The following FBXL20 variants were observed in gnomAD, a reference collection of about 807,000 sequenced individuals.
FBXL20 encodes F-box/LRR-repeat protein 20.
FBXL20 carries 11 observed loss-of-function variants against 64.0 expected under a neutral mutation model. The observed-to-expected ratio is 0.17, with a 90% CI of 0.11 to 0.28. The LOEUF is 0.28. Ranked by LOEUF, FBXL20 falls within the 10% of genes least tolerant of loss-of-function variation. The pLI, the probability that FBXL20 is intolerant of heterozygous loss-of-function variation, is 1.00. For missense variants in FBXL20, 303 were observed against 526.2 expected (o/e 0.58, Z 4.15); for synonymous variants, 184 against 189.0 (o/e 0.97, Z 0.22).
intron 9 of FBXL20, among the ~76,000 whole-genome samples, chr17:39,279,499 CAAA>C (rs751006109): frequency 4.0e-5 from 4 of 100,180 alleles, no homozygotes; most frequent in Non-Finnish European, 2.1e-5. Context: ...GACTTCACCT[CAAA>C]AAAAAAAAAA....
In FBXL20 at chr17:39,252,993, G is replaced by A. The variant is rs2046664295; in HGVS notation, c.*8467C>T. On this transcript the variant is annotated 3_prime_UTR_variant, in exon 15 of 15. Coordinates refer to ENST00000264658, the MANE Select transcript of FBXL20 (RefSeq NM_032875.3). ...GCTAAGCATTTGGAGCAGGCCTAGT[G>A]GAGAAACAAGCAAGCAGCAGCTCTC... The A allele has an allele frequency of 6.6e-6, 1 of 152,318 alleles. No homozygotes were observed. The highest frequency in any genetic ancestry group is 2.4e-5 in the African/African-American group (1 of 41,434). The allele number at this position is 152,318 out of a possible 1,614,324, so 9.4% of individuals were successfully genotyped here.
intron 3 of FBXL20, among the ~76,000 whole-genome samples, chr17:39,301,401 G>A (rs1335430632): frequency 1.3e-5 from 2 of 152,020 alleles, no homozygotes; most frequent in Non-Finnish European, 2.9e-5. Context: ...GACCAGCCTG[G>A]GCAATATAGC....
At chr17:39,318,227 T>C (rs1052978539) in intron 2 of FBXL20, among the ~76,000 whole-genome samples, 13 of 151,972 alleles carry the variant, frequency 8.6e-5, no homozygotes, top group Admixed American at 5.9e-4. Flanking sequence ...TGAGAAAGAG[T>C]AGATTTTAGT....
At chr17:39,373,286 A>T (rs1344567424) in intron 1 of FBXL20, among the ~76,000 whole-genome samples, 1 of 152,176 alleles carries the variant, frequency 6.6e-6, no homozygotes, top group Non-Finnish European at 1.5e-5. Context: ...TTGACTGGCA[A>T]ATCATGGAAG....
intron 9 of FBXL20, among the ~76,000 whole-genome samples, chr17:39,275,777 A>G (rs1298048757): frequency 6.6e-6 from 1 of 152,142 alleles, no homozygotes; most frequent in Non-Finnish European, 1.5e-5. Flanking sequence ...AATATATCTA[A>G]AAGTTCAAAT....
rs148388977 is a variant in FBXL20, at chr17:39,284,537, C to T, written c.494+941G>A. Reference sequence around the variant, plus strand: ...CTGGGACTACAGGGGTATGCCACCACGCCTGGCAAATTTTCTTATTTTTTT... The same window carrying T: ...CTGGGACTACAGGGGTATGCCACCATGCCTGGCAAATTTTCTTATTTTTTT... On this transcript the variant is annotated intron_variant, in intron 7 of 14. Coordinates refer to ENST00000264658, the MANE Select transcript of FBXL20 (RefSeq NM_032875.3). 1.2e-4 allele frequency among the ~76,000 whole-genome samples: 18 copies of T among 152,140 alleles called. No individual in the cohort carries two copies. The East Asian group carries it at 3.3e-3, about 28-fold the overall frequency.
intron 9 of FBXL20, among the ~76,000 whole-genome samples, chr17:39,275,560 C>T (rs746415480): frequency 3.3e-5 from 5 of 151,848 alleles, no homozygotes; most frequent in Non-Finnish European, 2.9e-5. Flanking sequence ...TACAAGTGCA[C>T]GCCACCATGT....
chr17:39,269,081 C>T (rs1164533731), intron 11 of FBXL20, among the ~76,000 whole-genome samples: 1 of 152,144 alleles, frequency 6.6e-6, no homozygotes, highest in East Asian at 1.9e-4. Context: ...GAAATCATGG[C>T]TCACTGCAGC....
chr17:39,369,287 A>G (rs1371687939), intron 1 of FBXL20, among the ~76,000 whole-genome samples: 3 of 130,546 alleles, frequency 2.3e-5, no homozygotes, highest in Admixed American at 8.4e-5. Context: ...TTTGAGACAG[A>G]GTCTCTGTCG....
chr17:39,272,114 C>T (rs758553060), intron 10 of FBXL20, among the ~76,000 whole-genome samples: 16 of 152,066 alleles, frequency 1.1e-4, no homozygotes, highest in Middle Eastern at 3.4e-3. Context: ...TGTCCGGGCG[C>T]GGTGACTCAC....
chr17:39,315,866 A>AGAGAGC (rs1555607919), intron 2 of FBXL20, among the ~76,000 whole-genome samples: 64 of 132,656 alleles, frequency 4.8e-4, no homozygotes, highest in Non-Finnish European at 8.5e-4. Flanking sequence ...AGAGAGAGAG[A>AGAGAGC]GAGAGCAACT....
intron 1 of FBXL20, among the ~76,000 whole-genome samples, chr17:39,360,566 A>C (rs914713497): frequency 6.6e-6 from 1 of 152,176 alleles, no homozygotes; most frequent in Non-Finnish European, 1.5e-5. Context: ...GGAGCGGGAC[A>C]AAAATGGAAC....
chr17:39,340,938 A>C (rs1471140612), intron 2 of FBXL20, among the ~76,000 whole-genome samples: 1 of 151,532 alleles, frequency 6.6e-6, no homozygotes, highest in Non-Finnish European at 1.5e-5. Flanking sequence ...TTTTCTATCT[A>C]GTATAATGTC....
chr17:39,266,779 G>C (rs1023860366), intron 12 of FBXL20, among the ~76,000 whole-genome samples: 5 of 152,210 alleles, frequency 3.3e-5, no homozygotes, highest in African/African-American at 1.2e-4. Context: ...GGCTACATTT[G>C]AACACATCTA....
At chr17:39,367,203 A>C (rs1355492869) in intron 1 of FBXL20, among the ~76,000 whole-genome samples, 3 of 151,780 alleles carry the variant, frequency 2.0e-5, no homozygotes, top group Admixed American at 1.3e-4. Flanking sequence ...TTCAATCTAG[A>C]AGTTTATATT....
chr17:39,377,526 A>G, intron 1 of FBXL20, among the ~76,000 whole-genome samples: 1 of 143,488 alleles, frequency 7.0e-6, no homozygotes, highest in African/African-American at 2.6e-5. Context: ...TTTGAGACGG[A>G]GTCTTGCTCT....
intron 1 of FBXL20, among the ~76,000 whole-genome samples, chr17:39,383,675 C>T (rs745612011): frequency 6.6e-6 from 1 of 150,712 alleles, no homozygotes; most frequent in Admixed American, 6.6e-5. Context: ...CTGCAACCTC[C>T]GCCTCCCAGG....
At chr17:39,368,079 G>A (rs954324173) in intron 1 of FBXL20, among the ~76,000 whole-genome samples, 1 of 152,036 alleles carries the variant, frequency 6.6e-6, no homozygotes, top group African/African-American at 2.4e-5. Context: ...CACCCCGCCT[G>A]TGAAAGATTT....
At chr17:39,345,578 T>C (rs1022349734) in intron 1 of FBXL20, among the ~76,000 whole-genome samples, 2 of 152,094 alleles carry the variant, frequency 1.3e-5, no homozygotes, top group Non-Finnish European at 2.9e-5. Flanking sequence ...TTTTGCTCTA[T>C]TGCCCAAGCT....
Sources: allele counts gnomAD v4.1 joint callset (sites outside exome capture counted in the v4.1 genomes callset), GRCh38; gene constraint gnomAD v4.1.1; transcripts MANE v1.5; gene names NCBI Gene and HGNC (gene_info 2026-07-23, HGNC 2026-07-21).